The following RORB variants were observed in gnomAD, a reference collection of about 807,000 sequenced individuals.
RORB encodes the protein RAR related orphan receptor B, also known as nuclear receptor ROR-beta.
A neutral mutation model predicts 59.1 loss-of-function variants in RORB; 6 were observed. The ratio of observed to expected loss-of-function variants is 0.10; its 90% CI spans 0.06 to 0.20. The LOEUF is 0.20. Among genes scored for constraint, RORB ranks in the 10% least tolerant of loss-of-function variants. The pLI is 1.00. For synonymous variants in RORB, 215 were observed against 204.5 expected, an observed-to-expected ratio of 1.05 and a Z score of -0.44; for missense variants, 320 against 560.5, an observed-to-expected ratio of 0.57 and a Z score of 4.33.
intron 4 of RORB, among the ~76,000 whole-genome samples, chr9:74,659,049 G>A (rs111757771): frequency 9.9e-5 from 15 of 152,238 alleles, no homozygotes; most frequent in African/African-American, 3.6e-4. Flanking sequence ...CCACTGAATT[G>A]TATCTCCATT....
intron 1 of RORB, among the ~76,000 whole-genome samples, chr9:74,546,645 A>G (rs1449855509): frequency 6.6e-6 from 1 of 152,216 alleles, no homozygotes; most frequent in African/African-American, 2.4e-5. Flanking sequence ...CTAGGAACTG[A>G]GACTGTGGTG....
At chr9:74,572,855 T>C (rs1822573446) in intron 1 of RORB, among the ~76,000 whole-genome samples, 1 of 152,184 alleles carries the variant, frequency 6.6e-6, no homozygotes. Flanking sequence ...ATATTCCCAA[T>C]TTTCCCTTCG....
At chr9:74,529,485 C>T (rs999842921) in intron 1 of RORB, among the ~76,000 whole-genome samples, 2 of 151,774 alleles carry the variant, frequency 1.3e-5, no homozygotes, top group African/African-American at 4.8e-5. Flanking sequence ...AAAATTGAGG[C>T]TTTCTTTGCC....
At chr9:74,683,360 C>A (rs535317932) in intron 9 of RORB, among the ~76,000 whole-genome samples, 71 of 152,304 alleles carry the variant, frequency 4.7e-4, no homozygotes, top group Non-Finnish European at 9.1e-4. Flanking sequence ...CTTGAACACT[C>A]TGTACCTATG....
chr9:74,650,034 T>C (rs527666443), intron 4 of RORB, among the ~76,000 whole-genome samples: 2 of 152,262 alleles, frequency 1.3e-5, no homozygotes, highest in Non-Finnish European at 2.9e-5. Context: ...CAACAAAATC[T>C]TATTGAGAAG....
chr9:74,528,529 A>G (rs1214033347), intron 1 of RORB, among the ~76,000 whole-genome samples: 2 of 151,986 alleles, frequency 1.3e-5, no homozygotes, highest in South Asian at 2.1e-4. Flanking sequence ...AGCTGTGAAC[A>G]AATGAGAGAA....
At chr9:74,522,052 T>C (rs1324195231) in intron 1 of RORB, among the ~76,000 whole-genome samples, 2 of 151,776 alleles carry the variant, frequency 1.3e-5, no homozygotes, top group Non-Finnish European at 2.9e-5. Flanking sequence ...TCAATGAAAA[T>C]GTATTGAGCA....
chr9:74,667,435 T>C (rs1824285020), intron 7 of RORB, among the ~76,000 whole-genome samples: 1 of 152,228 alleles, frequency 6.6e-6, no homozygotes, highest in Non-Finnish European at 1.5e-5. Context: ...ATCTCTATTG[T>C]AAAGGATCCC....
At position 74,497,800 on chromosome 9, in the gene RORB, C is replaced by T. The variant is rs952807107; in HGVS notation, c.-177C>T. On this transcript the variant is annotated 5_prime_UTR_variant, in exon 1 of 10. Coordinates refer to ENST00000376896, the MANE Select transcript of RORB (RefSeq NM_006914.4). ...AACATCAAAACTGTTAACATAGCGG[C>T]GGCGGCGGCAAACGTCACCCTGCAG... 1 of 624,398 alleles carries T rather than the reference C, an allele frequency of 1.6e-6. No homozygotes were observed. The highest frequency in any genetic ancestry group is 1.8e-5 in the African/African-American group (1 of 54,786). The allele number at this position is 624,398 out of a possible 1,614,324, so 38.7% of individuals were successfully genotyped here. A position where few individuals can be genotyped will look rare whatever the true frequency, so the allele number is the denominator to read the frequency against.
At chr9:74,560,249 A>G (rs968347573) in intron 1 of RORB, among the ~76,000 whole-genome samples, 1 of 152,186 alleles carries the variant, frequency 6.6e-6, no homozygotes, top group Non-Finnish European at 1.5e-5. Context: ...TCATGTTGCA[A>G]GTCACGACTT....
At chr9:74,554,481 A>G (rs763188471) in intron 1 of RORB, among the ~76,000 whole-genome samples, 1 of 151,366 alleles carries the variant, frequency 6.6e-6, no homozygotes, top group Non-Finnish European at 1.5e-5. Context: ...AATAATGAGC[A>G]GACACAGTCA....
At chr9:74,595,867 C>T (rs7858840) in intron 1 of RORB, among the ~76,000 whole-genome samples, 144,682 of 152,238 alleles carry the variant, frequency 0.95, 69,035 homozygotes, top group East Asian at 1. Flanking sequence ...TTACCAAGCA[C>T]GTTGCGTTGG....
At chr9:74,558,497 A>G (rs999488561) in intron 1 of RORB, among the ~76,000 whole-genome samples, 11 of 152,216 alleles carry the variant, frequency 7.2e-5, no homozygotes, top group African/African-American at 1.9e-4. Flanking sequence ...TGAATGGAAG[A>G]TTCACTTGTT....
In RORB at chr9:74,662,668, G is replaced by A. The variant is rs1290684809; in HGVS notation, c.892+62G>A. 5 of 1,554,604 alleles carry A rather than the reference G, an allele frequency of 3.2e-6. No homozygotes were observed. In the East Asian group the frequency reaches 1.1e-4, roughly 35 times the overall value. On this transcript the variant is annotated intron_variant, in intron 6 of 9. Coordinates refer to ENST00000376896, the MANE Select transcript of RORB (RefSeq NM_006914.4). ...AAGGATGTGGTCAGCCCTTAGCACT[G>A]TGTTGGTTCTAGAAAATCCTCCTTC...
intron 1 of RORB, among the ~76,000 whole-genome samples, chr9:74,573,512 C>T (rs968105151): frequency 5.3e-5 from 8 of 149,622 alleles, no homozygotes; most frequent in Non-Finnish European, 1.0e-4. Context: ...CAGCAAACAG[C>T]GTTGGGATTT....
chr9:74,570,121 A>G (rs1822529104), intron 1 of RORB, among the ~76,000 whole-genome samples: 1 of 152,094 alleles, frequency 6.6e-6, no homozygotes, highest in Admixed American at 6.6e-5. Context: ...ATAATCCACA[A>G]AATAAATTTA....
intron 4 of RORB, among the ~76,000 whole-genome samples, chr9:74,645,940 C>A (rs191126076): frequency 2.6e-5 from 4 of 152,254 alleles, no homozygotes; most frequent in Admixed American, 6.5e-5. Flanking sequence ...GCCTACCTGA[C>A]CTCCTTCTAG....
At chr9:74,514,690 A>G (rs548900341) in intron 1 of RORB, among the ~76,000 whole-genome samples, 1 of 148,680 alleles carries the variant, frequency 6.7e-6, no homozygotes, top group Admixed American at 6.8e-5. Flanking sequence ...ATATATAATT[A>G]TATATACGTA....
chr9:74,572,288 A>G (rs1822565610), intron 1 of RORB, among the ~76,000 whole-genome samples: 1 of 152,156 alleles, frequency 6.6e-6, no homozygotes, highest in South Asian at 2.1e-4. Flanking sequence ...ATATGAAAAA[A>G]AATATTATGG....
Sources: allele counts gnomAD v4.1 joint callset (sites outside exome capture counted in the v4.1 genomes callset), GRCh38; gene constraint gnomAD v4.1.1; transcripts MANE v1.5; gene names NCBI Gene and HGNC (gene_info 2026-07-23, HGNC 2026-07-21).